TRRAP: variants seen among roughly 807,000 people sequenced by gnomAD.
The protein encoded by TRRAP is transformation/transcription domain-associated protein.
TRRAP carries 41 observed loss-of-function variants against 438.8 expected under a neutral mutation model. That is an observed-to-expected ratio of 0.09 (90% confidence interval 0.07 to 0.12). The LOEUF (loss-of-function observed/expected upper bound fraction) is 0.12. Ranked by LOEUF, TRRAP falls within the 10% of genes least tolerant of loss-of-function variation. The probability of loss-of-function intolerance (pLI) is 1.00; values close to 1 mark genes in which losing one functional copy is unlikely to be tolerated. For synonymous variants in TRRAP, 1,994 were observed against 1,962.9 expected (o/e 1.02, Z -0.42); for missense variants, 3,122 against 5,055.1 (o/e 0.62, Z 11.60).
rs181071609 is a variant in TRRAP, at chr7:98,906,043, C to G, written c.1037-134C>G. The G allele has an allele frequency of 2.3e-4, 149 of 643,456 alleles. 1 individual carries two copies. The East Asian group carries it at 4.6e-3, about 20-fold the overall frequency. 39.9% of individuals were successfully genotyped at this position (643,456 alleles called of 1,614,324 possible). A position where few individuals can be genotyped will look rare whatever the true frequency, so the allele number is the denominator to read the frequency against. ...GAAATAGCACTTGTGCCTTTCTGGT[C>G]TCCTCTCTGTCCCTTTTCAGGTCTG... On this transcript the variant is annotated intron_variant, in intron 12 of 72. Coordinates refer to ENST00000456197, the MANE Select transcript of TRRAP (RefSeq NM_001375524.1).
At position 98,931,542 on chromosome 7, in the gene TRRAP, C is replaced by T. The variant is rs55989551; in HGVS notation, c.3729C>T (p.His1243=). 36 of 1,614,046 alleles carry T rather than the reference C, an allele frequency of 2.2e-5. No homozygotes were observed. The highest frequency in any genetic ancestry group is 2.0e-4 in the African/African-American group (15 of 74,916). The change falls in exon 26 of 73, where the codon CAC becomes CAT. Residue 1243 remains histidine, a synonymous_variant. Coordinates refer to ENST00000456197, the MANE Select transcript of TRRAP (RefSeq NM_001375524.1). ...AAAAGTCTTTCCACCATGTGACACA[C>T]GACTTGGTTCGAGAAGTCACCTCTC... ...AQEKSFHHVT[H]DLVREVTSPN...
In TRRAP at chr7:98,917,412, C is replaced by G. The variant is rs1168249693; in HGVS notation, c.2366-11C>G. ...GTCTTCCCTCTCTGATAGCTGCACCCCCTTCCCTAGGGCTGAACATGCTTC... is the reference window on the plus strand; with the variant it reads ...GTCTTCCCTCTCTGATAGCTGCACCGCCTTCCCTAGGGCTGAACATGCTTC... On this transcript the variant is annotated splice_polypyrimidine_tract_variant and intron_variant, in intron 19 of 72. Transcript: ENST00000456197. 4.3e-6 allele frequency: 7 copies of G among 1,611,774 alleles called. No homozygotes were observed. Among genetic ancestry groups the G allele is most frequent in the Non-Finnish European group, 5.1e-6 (6 of 1,178,212 alleles).
rs1377329788 is a variant in TRRAP, at chr7:98,967,007, C to T, written c.7177-34C>T. 1.9e-6 allele frequency: 3 copies of T among 1,592,040 alleles called. No homozygotes were observed. In the East Asian group the frequency reaches 6.7e-5, roughly 36 times the overall value. Reference sequence around the variant, plus strand: ...AATACTAGAGCAGATGGTTGAAATACTTTTAACTGCGTCTTTTCTCAAATT... The same window carrying T: ...AATACTAGAGCAGATGGTTGAAATATTTTTAACTGCGTCTTTTCTCAAATT... On this transcript the variant is annotated intron_variant, in intron 49 of 72. Transcript: ENST00000456197.
chr7:98,882,447 C>G, intron 3 of TRRAP, among the ~76,000 whole-genome samples: 1 of 150,930 alleles, frequency 6.6e-6, no homozygotes, highest in Non-Finnish European at 1.5e-5. Flanking sequence ...ACTGTAACCT[C>G]TGCCTTCCGG....
Position 98,956,119 on chromosome 7 carries a change from G to A in TRRAP, c.5938-27G>A, listed in dbSNP as rs113786532. On this transcript the variant is annotated intron_variant, in intron 41 of 72. Transcript: ENST00000456197. The surrounding 1 kb of genome is among the most constrained non-coding windows in gnomAD (Gnocchi z 4.5). Reference sequence around the variant, plus strand: ...CTGTGGGACCAAGCTCCCATGTTCCGGCGTGATGCTGGCCCTGCGTCCGCA... The same window carrying A: ...CTGTGGGACCAAGCTCCCATGTTCCAGCGTGATGCTGGCCCTGCGTCCGCA... The A allele has an allele frequency of 1.3e-5, 21 of 1,576,440 alleles. No individual in the cohort carries two copies. Among genetic ancestry groups the A allele is most frequent in the South Asian group, 2.3e-5 (2 of 88,300 alleles).
chr7:98,982,626 A>G (rs1328032082), intron 59 of TRRAP, among the ~76,000 whole-genome samples: 1 of 152,216 alleles, frequency 6.6e-6, no homozygotes, highest in East Asian at 1.9e-4. Context: ...ATAGAAGCCA[A>G]GGACAGAATT....
At chr7:98,990,905 A>G (rs940677167) in intron 64 of TRRAP, among the ~76,000 whole-genome samples, 21 of 152,260 alleles carry the variant, frequency 1.4e-4, no homozygotes, top group African/African-American at 4.6e-4. Flanking sequence ...AACTTGTAGT[A>G]AAACATACAA....
intron 6 of TRRAP, 79 bp from the exon 7 acceptor site, chr7:98,895,685 A>G (rs1200555129): frequency 9.3e-6 from 12 of 1,284,990 alleles, no homozygotes; most frequent in South Asian, 1.5e-5. Context: ...TAGTAAGACA[A>G]TTACAACTTT....
At chr7:98,909,654 G>A (rs1264567359) in intron 14 of TRRAP, among the ~76,000 whole-genome samples, 1 of 152,216 alleles carries the variant, frequency 6.6e-6, no homozygotes, top group Non-Finnish European at 1.5e-5. Flanking sequence ...AGCCCCAGGG[G>A]TGGTGGCGGG....
rs1554417466 is a variant in TRRAP at position 98,948,735 on chromosome 7, G to A, written c.4788+50G>A. ...CAGGGGTCCCTTCAAATGCTTGTGA[G>A]CTGTCGTGCTCTGAAATGTTCAGTT... On this transcript the variant is annotated intron_variant, in intron 35 of 72. Coordinates refer to ENST00000456197, the MANE Select transcript of TRRAP (RefSeq NM_001375524.1). This position sits in a 1 kb window ranked among gnomAD's most constrained non-coding sequence, Gnocchi z 4.9. The A allele has an allele frequency of 1.2e-6, 2 of 1,613,052 alleles. No homozygotes were observed. The highest frequency in any genetic ancestry group is 1.3e-5 in the African/African-American group (1 of 75,042).
Position 98,993,437 on chromosome 7 carries a change from G to A in TRRAP, c.9848-101G>A. 4 of 1,286,576 alleles carry A rather than the reference G, an allele frequency of 3.1e-6. No individual in the cohort carries two copies. The East Asian group carries it at 7.5e-5, about 24-fold the overall frequency. 79.7% of individuals were successfully genotyped at this position (1,286,576 alleles called of 1,614,324 possible). A position where few individuals can be genotyped will look rare whatever the true frequency, so the allele number is the denominator to read the frequency against. On this transcript the variant is annotated intron_variant, in intron 65 of 72. Coordinates refer to ENST00000456197, the MANE Select transcript of TRRAP (RefSeq NM_001375524.1). Reference sequence around the variant, plus strand: ...CGGTCTTGTAGGGATTCACACGCCGGCAGGAACCAGCGCTCCTTTGGCCCA... The same window carrying A: ...CGGTCTTGTAGGGATTCACACGCCGACAGGAACCAGCGCTCCTTTGGCCCA...
chr7:98,954,336 C>A (rs1488443295), intron 40 of TRRAP, among the ~76,000 whole-genome samples: 1 of 152,252 alleles, frequency 6.6e-6, no homozygotes. Context: ...ATACTCCACT[C>A]GAGCATGCGG....
At chr7:98,969,116 T>C (rs776677433) in intron 51 of TRRAP, among the ~76,000 whole-genome samples, 7 of 152,248 alleles carry the variant, frequency 4.6e-5, no homozygotes, top group Non-Finnish European at 7.3e-5. Flanking sequence ...ATTTCCGTAG[T>C]GTTCAACCAC....
intron 3 of TRRAP, among the ~76,000 whole-genome samples, chr7:98,885,629 T>C (rs1303278509): frequency 6.6e-6 from 1 of 152,118 alleles, no homozygotes; most frequent in Non-Finnish European, 1.5e-5. Context: ...GCTAAAGAGC[T>C]TTCTCTTCTG....
At chr7:98,995,910 G>A (rs553970448) in intron 67 of TRRAP, among the ~76,000 whole-genome samples, 6 of 132,536 alleles carry the variant, frequency 4.5e-5, no homozygotes, top group Admixed American at 1.5e-4. Context: ...ACACACCCGC[G>A]TCCCATCCTC....
At chr7:98,943,052 G>C in intron 31 of TRRAP, 35 bp downstream of exon 31, 1 of 1,612,602 alleles carries the variant, frequency 6.2e-7, no homozygotes, top group Non-Finnish European at 8.5e-7. Context: ...AAGGGCACCA[G>C]CCGCCATGCT....
At chr7:98,916,039 C>G (rs1034616825) in intron 19 of TRRAP, 151 bp downstream of exon 19, 2 of 1,051,456 alleles carry the variant, frequency 1.9e-6, no homozygotes, top group Non-Finnish European at 2.7e-6. Flanking sequence ...CCCTGCCCCC[C>G]TCCCCTGGCC....
Position 98,962,264 on chromosome 7 carries a change from G to T in TRRAP, c.6704-38G>T, listed in dbSNP as rs1323037595. ...GGCATCAGCACTGGTGGGCCCAAGAGCCATAACCACAGTGCCTGGGTCCCT... is the reference window on the plus strand; with the variant it reads ...GGCATCAGCACTGGTGGGCCCAAGATCCATAACCACAGTGCCTGGGTCCCT... On this transcript the variant is annotated intron_variant, in intron 46 of 72. Transcript: ENST00000456197. The T allele has an allele frequency of 1.9e-6, 3 of 1,613,612 alleles. No individual in the cohort carries two copies. In the East Asian group the frequency reaches 6.7e-5, roughly 36 times the overall value.
At position 98,910,505 on chromosome 7, in the gene TRRAP, T is replaced by C. The variant is rs782114059; in HGVS notation, c.1715-5T>C. The C allele has an allele frequency of 4.2e-5, 67 of 1,613,872 alleles. No homozygotes were observed. Among genetic ancestry groups the C allele is most frequent in the Non-Finnish European group, 5.7e-5 (67 of 1,180,030 alleles). On this transcript the variant is annotated splice_polypyrimidine_tract_variant and splice_region_variant and intron_variant, in intron 15 of 72. Coordinates refer to ENST00000456197, the MANE Select transcript of TRRAP (RefSeq NM_001375524.1). ...AGTTAACTTAATATACTTTCTCTTT[T>C]CCAGAAGCTCAGTTCATTCCCAACA... is the stretch of plus-strand genomic sequence containing the variant.
Sources: allele counts gnomAD v4.1 joint callset (sites outside exome capture counted in the v4.1 genomes callset), GRCh38; gene constraint gnomAD v4.1.1; non-coding constraint Gnocchi (gnomAD v3.1); transcripts MANE v1.5; gene names NCBI Gene and HGNC (gene_info 2026-07-23, HGNC 2026-07-21).